Variants in PCDHGA5 observed in about 807,000 individuals in gnomAD.
PCDHGA5 encodes the protein protocadherin gamma-A5.
Under a neutral mutation model 56.7 loss-of-function variants are expected in PCDHGA5, and 36 were observed. The ratio of observed to expected loss-of-function variants is 0.64; its 90% CI spans 0.49 to 0.84. The LOEUF is 0.84. Among genes scored for constraint, PCDHGA5 ranks in the 40% least tolerant of loss-of-function variants. The probability of loss-of-function intolerance (pLI) is 0.00; values close to 1 mark genes in which losing one functional copy is unlikely to be tolerated. For synonymous variants in PCDHGA5, 563 were observed against 520.2 expected (o/e 1.08, Z -1.12); for missense variants, 1,305 against 1,201.5 (o/e 1.09, Z -1.27).
Position 141,440,827 on chromosome 5 carries a change from A to G in PCDHGA5, c.2422-53980A>G, listed in dbSNP as rs570022849. 7 of 152,196 alleles carry G rather than the reference A, an allele frequency of 4.6e-5. 1 individual carries two copies. The highest frequency in any genetic ancestry group is 1.4e-4 in the African/African-American group (6 of 41,526). 9.4% of individuals were successfully genotyped at this position (152,196 alleles called of 1,614,324 possible). A position where few individuals can be genotyped will look rare whatever the true frequency, so the allele number is the denominator to read the frequency against. ...GCAGCATCACTCAACTCCTGATCCT[A>G]TTGGTTGAAGCCAATGACAACCCTG... On this transcript the variant is annotated intron_variant, in intron 1 of 3. Transcript: ENST00000518069.
At chr5:141,455,103 C>T (rs1319698016) in intron 1 of PCDHGA5, among the ~76,000 whole-genome samples, 1 of 151,862 alleles carries the variant, frequency 6.6e-6, no homozygotes, top group South Asian at 2.1e-4. Flanking sequence ...TGAGCCACTG[C>T]GCCCGGTGGG....
Position 141,491,509 on chromosome 5 carries a change from C to T in PCDHGA5, c.2422-3298C>T. 6.2e-7 allele frequency: 1 copy of T among 1,614,058 alleles called. No individual in the cohort carries two copies. Among genetic ancestry groups the T allele is most frequent in the Non-Finnish European group, 8.5e-7 (1 of 1,180,022 alleles). On this transcript the variant is annotated intron_variant, in intron 1 of 3. Coordinates refer to ENST00000518069, the MANE Select transcript of PCDHGA5 (RefSeq NM_018918.3). The surrounding 1 kb of genome is among the most constrained non-coding windows in gnomAD (Gnocchi z 6.9). Reference sequence around the variant, plus strand: ...CCTGCAGGTGAGCTCGGACGGCACGCTCAAGTACATGGAGGTGACGCTGCG... The same window carrying T: ...CCTGCAGGTGAGCTCGGACGGCACGTTCAAGTACATGGAGGTGACGCTGCG...
At chr5:141,450,147 C>T (rs1322871298) in intron 1 of PCDHGA5, among the ~76,000 whole-genome samples, 2 of 151,774 alleles carry the variant, frequency 1.3e-5, no homozygotes, top group African/African-American at 4.8e-5. Context: ...GCTGGGACTA[C>T]AGGCATGTGC....
chr5:141,393,744 G>A lies in PCDHGA5; in HGVS notation c.2421+26993G>A, dbSNP rs770821376. The A allele has an allele frequency of 2.0e-5, 32 of 1,613,750 alleles. No individual in the cohort carries two copies. The highest frequency in any genetic ancestry group is 2.7e-5 in the Non-Finnish European group (32 of 1,179,884). On this transcript the variant is annotated intron_variant, in intron 1 of 3. Coordinates refer to ENST00000518069, the MANE Select transcript of PCDHGA5 (RefSeq NM_018918.3). ...AATAGCAAAAAGTCTAGATTATGAAGAATGTTCATTTTATGAAATGGAAAT... is the reference window on the plus strand; with the variant it reads ...AATAGCAAAAAGTCTAGATTATGAAAAATGTTCATTTTATGAAATGGAAAT...
chr5:141,376,095 T>A, intron 1 of PCDHGA5: 10 of 1,613,628 alleles, frequency 6.2e-6, no homozygotes, highest in Non-Finnish European at 8.5e-6. Flanking sequence ...ATCCCCGACA[T>A]CCTGGCCGAC....
chr5:141,400,054 C>T, intron 1 of PCDHGA5: 2 of 1,613,622 alleles, frequency 1.2e-6, no homozygotes, highest in Non-Finnish European at 1.7e-6. Flanking sequence ...GGTTGCTGTG[C>T]GTGATGGTGG....
intron 1 of PCDHGA5, among the ~76,000 whole-genome samples, chr5:141,437,036 G>A (rs916860661): frequency 6.6e-6 from 1 of 152,294 alleles, no homozygotes; most frequent in Middle Eastern, 3.4e-3. Flanking sequence ...ATGGATCACC[G>A]AAACCAGAAG....
At chr5:141,409,872 A>T in intron 1 of PCDHGA5, 1 of 1,612,828 alleles carries the variant, frequency 6.2e-7, no homozygotes. Context: ...GACCGCAATG[A>T]CAACGCACCG....
In PCDHGA5 at chr5:141,365,854, C is replaced by T. The variant is rs570866859; in HGVS notation, c.1524C>T (p.Asn508=). ...GAPLSSYVSI[N]SDTGVLYALR... ...CCTTGTCCTCCTATGTATCCATTAA[C>T]TCTGACACCGGTGTCCTGTATGCTC... The change falls in exon 1 of 4, where the codon AAC becomes AAT. Residue 508 remains asparagine (N), a synonymous_variant. Transcript: ENST00000518069. 1 of 1,614,060 alleles carries T rather than the reference C, an allele frequency of 6.2e-7. No homozygotes were observed. Among genetic ancestry groups the T allele is most frequent in the Non-Finnish European group, 8.5e-7 (1 of 1,179,910 alleles).
At chr5:141,384,478 G>T (rs1350381914) in intron 1 of PCDHGA5, 1 of 1,613,986 alleles carries the variant, frequency 6.2e-7, no homozygotes, top group African/African-American at 1.3e-5. Flanking sequence ...GCAGTTGAGA[G>T]AACTACAACT....
At chr5:141,478,725 A>C (rs2099473537) in intron 1 of PCDHGA5, 1 of 1,542,096 alleles carries the variant, frequency 6.5e-7, no homozygotes. Flanking sequence ...GGCCTGCCAG[A>C]GTGTGGTTTG....
At chr5:141,409,181 C>T (rs1280456560) in intron 1 of PCDHGA5, 2 of 1,613,992 alleles carry the variant, frequency 1.2e-6, no homozygotes, top group Non-Finnish European at 1.7e-6. Flanking sequence ...CGGAGGTGGT[C>T]TCTCTACCCA....
chr5:141,446,408 C>A (rs1211716327), intron 1 of PCDHGA5, among the ~76,000 whole-genome samples: 1 of 151,898 alleles, frequency 6.6e-6, no homozygotes, highest in African/African-American at 2.4e-5. Flanking sequence ...GAGTTGAGTT[C>A]CAGCCATGTT....
At chr5:141,475,059 G>T (rs2099358742) in intron 1 of PCDHGA5, among the ~76,000 whole-genome samples, 1 of 152,180 alleles carries the variant, frequency 6.6e-6, no homozygotes, top group South Asian at 2.1e-4. Flanking sequence ...AAAGATTTGT[G>T]GAGCTTTGCT....
At chr5:141,378,549 TAAAG>T (rs1207293265) in intron 1 of PCDHGA5, 5 of 152,122 alleles carry the variant, frequency 3.3e-5, no homozygotes, top group East Asian at 1.9e-4. Flanking sequence ...AATTAATAAA[TAAAG>T]AGTGAACATG....
At chr5:141,499,189 C>T (rs1406015145) in intron 2 of PCDHGA5, among the ~76,000 whole-genome samples, 3 of 152,088 alleles carry the variant, frequency 2.0e-5, no homozygotes, top group African/African-American at 7.2e-5. Flanking sequence ...AAACCATTTC[C>T]CCCTTCTTAG....
chr5:141,484,068 G>C (rs1287427208), intron 1 of PCDHGA5, among the ~76,000 whole-genome samples: 1 of 152,114 alleles, frequency 6.6e-6, no homozygotes, highest in African/African-American at 2.4e-5. Flanking sequence ...TAAGTGAAAA[G>C]CTTGCTCTTT....
chr5:141,384,112 G>T (rs372458558), intron 1 of PCDHGA5: 2 of 1,605,392 alleles, frequency 1.2e-6, no homozygotes, highest in Non-Finnish European at 1.7e-6. Flanking sequence ...TTATAGATTG[G>T]TCACAACCAA....
At position 141,491,127 on chromosome 5, in the gene PCDHGA5, C is replaced by T. The variant is rs2099708654; in HGVS notation, c.2422-3680C>T. On this transcript the variant is annotated intron_variant, in intron 1 of 3. Transcript: ENST00000518069. This position sits in a 1 kb window ranked among gnomAD's most constrained non-coding sequence, Gnocchi z 6.9. ...TGTCTACACACACTGGTGAGGTGCGCACAGCCCGGGCCTTACTGGAGGATG... is the reference window on the plus strand; with the variant it reads ...TGTCTACACACACTGGTGAGGTGCGTACAGCCCGGGCCTTACTGGAGGATG... 1 of 1,614,076 alleles carries T rather than the reference C, an allele frequency of 6.2e-7. No individual in the cohort carries two copies. The highest frequency in any genetic ancestry group is 1.3e-5 in the African/African-American group (1 of 74,942).
Sources: gnomAD v4.1 joint callset for allele counts (sites outside exome capture counted in the v4.1 genomes callset) on GRCh38, gnomAD v4.1.1 for gene constraint, Gnocchi (gnomAD v3.1) non-coding constraint, MANE v1.5 for transcripts, NCBI Gene and HGNC (gene_info 2026-07-23, HGNC 2026-07-21) for gene names.